HTRA1: variants seen among roughly 807,000 people sequenced by gnomAD.
The protein encoded by HTRA1 is serine protease HTRA1.
A neutral mutation model predicts 49.7 loss-of-function variants in HTRA1; 26 were observed. The ratio of observed to expected loss-of-function variants is 0.52; its 90% CI spans 0.38 to 0.73. HTRA1 has a LOEUF of 0.73. Ranked by LOEUF, HTRA1 falls within the 30% of genes least tolerant of loss-of-function variation. The pLI is 0.00. For synonymous variants in HTRA1, 291 were observed against 286.9 expected (o/e 1.01, Z -0.14); for missense variants, 561 against 667.2 (o/e 0.84, Z 1.75).
intron 1 of HTRA1, among the ~76,000 whole-genome samples, chr10:122,463,077 G>C (rs1050975917): frequency 9.2e-5 from 14 of 152,270 alleles, no homozygotes; most frequent in Non-Finnish European, 1.9e-4. Flanking sequence ...GCGGGGCTTG[G>C]CAGTGCGCTT....
At chr10:122,467,875 G>A (rs1481266947) in intron 1 of HTRA1, among the ~76,000 whole-genome samples, 4 of 152,138 alleles carry the variant, frequency 2.6e-5, no homozygotes, top group Non-Finnish European at 5.9e-5. Flanking sequence ...TGGCATGGAA[G>A]TTACAGTGAT....
rs570543600 is a variant in HTRA1, at chr10:122,492,768, G to A, written c.777+3142G>A. Among the ~76,000 whole-genome samples, 4 of 152,284 alleles carry A rather than the reference G, an allele frequency of 2.6e-5. No individual in the cohort carries two copies. The South Asian group carries it at 8.3e-4, about 32-fold the overall frequency. On this transcript the variant is annotated intron_variant, in intron 3 of 8. Transcript: ENST00000368984. ...CATTTCACATGTCCATCATCGGACA[G>A]CGTAGGTGGGACCATCAGTCATGGT...
intron 1 of HTRA1, among the ~76,000 whole-genome samples, chr10:122,463,527 G>A (rs867535808): frequency 1.1e-4 from 17 of 152,146 alleles, no homozygotes; most frequent in African/African-American, 3.1e-4. Flanking sequence ...TTAAGAGACA[G>A]GGTCTCCCTC....
intron 1 of HTRA1, among the ~76,000 whole-genome samples, chr10:122,468,473 G>T (rs779341656): frequency 6.6e-6 from 1 of 151,566 alleles, no homozygotes; most frequent in African/African-American, 2.4e-5. Context: ...AGTCAGCTGT[G>T]TGGGAGGAGT....
At chr10:122,500,233 A>C (rs1386123715) in intron 3 of HTRA1, among the ~76,000 whole-genome samples, 5 of 152,176 alleles carry the variant, frequency 3.3e-5, no homozygotes, top group Non-Finnish European at 5.9e-5. Context: ...AATTCTAGGA[A>C]CGCCCCCTCC....
intron 1 of HTRA1, among the ~76,000 whole-genome samples, chr10:122,479,516 A>G (rs978427939): frequency 4.6e-5 from 7 of 152,300 alleles, no homozygotes; most frequent in Admixed American, 3.9e-4. Context: ...CATATAGTAG[A>G]TGCTCTACAA....
At chr10:122,468,179 G>T (rs576256024) in intron 1 of HTRA1, among the ~76,000 whole-genome samples, 86 of 152,284 alleles carry the variant, frequency 5.6e-4, no homozygotes, top group African/African-American at 1.9e-3. Flanking sequence ...CAGCTTAAGG[G>T]CTGGGCTTCT....
intron 1 of HTRA1, among the ~76,000 whole-genome samples, chr10:122,462,762 C>G (rs927573786): frequency 1.3e-5 from 2 of 152,214 alleles, no homozygotes; most frequent in African/African-American, 4.8e-5. Flanking sequence ...TGAGCCAGCC[C>G]TACAAAAATG....
At position 122,497,682 on chromosome 10, in the gene HTRA1, TG is replaced by T. The variant is rs912168910; in HGVS notation, c.777+8057del. Among the ~76,000 whole-genome samples, 9 of 152,356 alleles carry T rather than the reference TG, an allele frequency of 5.9e-5. No homozygotes were observed. In the East Asian group the frequency reaches 1.7e-3, roughly 29 times the overall value. On this transcript the variant is annotated intron_variant, in intron 3 of 8. Transcript: ENST00000368984. The stretch of plus-strand genomic sequence containing the variant: ...ACCCAGTCAGTTACCCAGACCCAAA[TG>T]CCAGGCCTTGGCTAACCCCAGTTAT...
At chr10:122,479,539 A>G (rs2097490085) in intron 1 of HTRA1, among the ~76,000 whole-genome samples, 1 of 152,146 alleles carries the variant, frequency 6.6e-6, no homozygotes, top group Non-Finnish European at 1.5e-5. Context: ...AATAGATCCT[A>G]TTATTCTTAT....
intron 1 of HTRA1, among the ~76,000 whole-genome samples, chr10:122,477,113 G>A (rs2097488869): frequency 1.3e-5 from 2 of 151,908 alleles, no homozygotes; most frequent in South Asian, 4.2e-4. Context: ...GACCACAGGT[G>A]CCTGCCACCA....
intron 3 of HTRA1, among the ~76,000 whole-genome samples, chr10:122,493,783 C>T (rs747366100): frequency 9.7e-4 from 148 of 152,206 alleles, no homozygotes; most frequent in Non-Finnish European, 4.6e-4. Context: ...CTTACCAGGA[C>T]CTTGAGGGCC....
chr10:122,482,680 G>A (rs2097491516), intron 1 of HTRA1, among the ~76,000 whole-genome samples: 1 of 152,048 alleles, frequency 6.6e-6, no homozygotes, highest in Non-Finnish European at 1.5e-5. Context: ...AGCACTTTGG[G>A]TGGCTGAGGC....
Position 122,512,054 on chromosome 10 carries a change from C to A in HTRA1, c.1263C>A (p.Thr421=), listed in dbSNP as rs765723570. ...GAYIIEVIPD[T]PAEAGGLKEN... ...ATATAATTGAAGTAATTCCTGATACCCCAGCAGAAGCGTGAGTTGGAGTCG... is the reference window on the plus strand; with the variant it reads ...ATATAATTGAAGTAATTCCTGATACACCAGCAGAAGCGTGAGTTGGAGTCG... Residue 421 remains threonine, a synonymous_variant, in exon 8 of 9, where the codon ACC becomes ACA. Transcript: ENST00000368984. The A allele has an allele frequency of 1.9e-6, 3 of 1,609,758 alleles. No homozygotes were observed. Among genetic ancestry groups the A allele is most frequent in the Non-Finnish European group, 1.7e-6 (2 of 1,176,120 alleles).
chr10:122,510,289 T>G (rs1340609804), intron 7 of HTRA1, 136 bp downstream of exon 7: 1 of 762,968 alleles, frequency 1.3e-6, no homozygotes, highest in Non-Finnish European at 2.3e-6. Context: ...TGAAGTAGCA[T>G]CGGGAAAGAG....
At chr10:122,497,401 A>G (rs185178599) in intron 3 of HTRA1, among the ~76,000 whole-genome samples, 1 of 152,346 alleles carries the variant, frequency 6.6e-6, no homozygotes, top group African/African-American at 2.4e-5. Context: ...AAAGAATGCT[A>G]CATCCTGGGC....
chr10:122,501,757 A>G (rs1271750017), intron 3 of HTRA1, among the ~76,000 whole-genome samples: 2 of 152,046 alleles, frequency 1.3e-5, no homozygotes, highest in Non-Finnish European at 1.5e-5. Context: ...AGATGCTTCC[A>G]CAGCATGGTC....
At chr10:122,462,293 C>T (rs2097481832) in intron 1 of HTRA1, among the ~76,000 whole-genome samples, 169 bp downstream of exon 1, 1 of 152,256 alleles carries the variant, frequency 6.6e-6, no homozygotes, top group Non-Finnish European at 1.5e-5. Flanking sequence ...CGCGGGCTGC[C>T]TCGGAACCGA....
intron 1 of HTRA1, among the ~76,000 whole-genome samples, chr10:122,473,837 G>C (rs981634399): frequency 1.3e-5 from 2 of 152,178 alleles, no homozygotes; most frequent in Non-Finnish European, 2.9e-5. Flanking sequence ...CAAAGAATAC[G>C]TAACGGGCTT....
Sources: gnomAD v4.1 joint callset for allele counts (sites outside exome capture counted in the v4.1 genomes callset) on GRCh38, gnomAD v4.1.1 for gene constraint, MANE v1.5 for transcripts, NCBI Gene and HGNC (gene_info 2026-07-23, HGNC 2026-07-21) for gene names.